PLCL2: variants seen among roughly 807,000 people sequenced by gnomAD.
PLCL2 encodes the protein inactive phospholipase C-like protein 2.
PLCL2 carries 4 observed loss-of-function variants against 79.6 expected under a neutral mutation model. That is an observed-to-expected ratio of 0.05 (90% CI 0.02 to 0.11). PLCL2 has a LOEUF of 0.11. Among genes scored for constraint, PLCL2 ranks in the 10% least tolerant of loss-of-function variants. The probability of loss-of-function intolerance (pLI) is 1.00; values close to 1 mark genes in which losing one functional copy is unlikely to be tolerated. For synonymous variants in PLCL2, 484 were observed against 457.7 expected, an observed-to-expected ratio of 1.06 and a Z score of -0.73; for missense variants, 895 against 1,291.0, an observed-to-expected ratio of 0.69 and a Z score of 4.70.
chr3:16,897,566 C>G (rs960218240), intron 1 of PLCL2, among the ~76,000 whole-genome samples: 12 of 152,334 alleles, frequency 7.9e-5, no homozygotes, highest in African/African-American at 2.9e-4. Flanking sequence ...TTTCACTTTG[C>G]TAAATGAGTG....
At chr3:17,058,648 A>G (rs2064915027) in intron 4 of PLCL2, among the ~76,000 whole-genome samples, 1 of 152,174 alleles carries the variant, frequency 6.6e-6, no homozygotes, top group African/African-American at 2.4e-5. Context: ...GGGAGCTATC[A>G]TTGCAAAGGT....
At chr3:16,977,575 T>G (rs2063939751) in intron 1 of PLCL2, among the ~76,000 whole-genome samples, 1 of 152,230 alleles carries the variant, frequency 6.6e-6, no homozygotes, top group African/African-American at 2.4e-5. Flanking sequence ...TTACTTATGG[T>G]AGACCACTTA....
At chr3:16,980,137 T>C (rs1249408391) in intron 1 of PLCL2, among the ~76,000 whole-genome samples, 303 of 706 alleles carry the variant, frequency 0.43, 15 homozygotes, top group Middle Eastern at 0.67. Context: ...GCTGGCCGGG[T>C]GGGGGGGCTG....
chr3:16,892,953 T>G (rs1696385423), intron 1 of PLCL2, among the ~76,000 whole-genome samples: 1 of 152,224 alleles, frequency 6.6e-6, no homozygotes, highest in African/African-American at 2.4e-5. Flanking sequence ...TCTGGATGAC[T>G]TTGATTTTTT....
At chr3:16,912,331 A>G (rs570592380) in intron 1 of PLCL2, among the ~76,000 whole-genome samples, 2 of 152,304 alleles carry the variant, frequency 1.3e-5, no homozygotes, top group African/African-American at 4.8e-5. Context: ...GAAGGATGAA[A>G]CAAGTAGGTA....
At chr3:16,924,500 A>T (rs1575531346) in intron 1 of PLCL2, among the ~76,000 whole-genome samples, 1 of 152,340 alleles carries the variant, frequency 6.6e-6, no homozygotes, top group African/African-American at 2.4e-5. Flanking sequence ...ATACTGAACC[A>T]GCAGTTTACA....
chr3:16,912,345 T>C (rs1696901259), intron 1 of PLCL2, among the ~76,000 whole-genome samples: 1 of 152,148 alleles, frequency 6.6e-6, no homozygotes, highest in South Asian at 2.1e-4. Context: ...GTAGGTAGAA[T>C]GGTGAATTTT....
intron 1 of PLCL2, among the ~76,000 whole-genome samples, chr3:16,982,477 C>T (rs1193313076): frequency 6.6e-6 from 1 of 152,170 alleles, no homozygotes; most frequent in African/African-American, 2.4e-5. Flanking sequence ...CCCGTTAATA[C>T]AGCCCAAAGC....
intron 4 of PLCL2, among the ~76,000 whole-genome samples, chr3:17,062,106 G>A (rs2064959085): frequency 6.6e-6 from 1 of 152,176 alleles, no homozygotes; most frequent in African/African-American, 2.4e-5. Flanking sequence ...TTGGAACAGA[G>A]CAACTGAGGC....
intron 3 of PLCL2, chr3:17,035,734 C>T (rs938951941): frequency 7.8e-6 from 4 of 513,124 alleles, no homozygotes; most frequent in African/African-American, 5.8e-5. Flanking sequence ...CCAATCTGGC[C>T]CTCACTCCTC....
intron 1 of PLCL2, among the ~76,000 whole-genome samples, chr3:16,930,967 T>G (rs147245036): frequency 6.3e-4 from 96 of 152,266 alleles, no homozygotes; most frequent in African/African-American, 2.1e-3. Context: ...TCTTCTATTT[T>G]TTCCTCTGTA....
intron 1 of PLCL2, among the ~76,000 whole-genome samples, chr3:16,954,746 G>A (rs1251747705): frequency 6.6e-6 from 1 of 152,176 alleles, no homozygotes; most frequent in Admixed American, 6.5e-5. Context: ...GTATCTCATT[G>A]TGGTTTTAAT....
chr3:16,902,113 A>G (rs529816527), intron 1 of PLCL2, among the ~76,000 whole-genome samples: 3 of 152,122 alleles, frequency 2.0e-5, no homozygotes, highest in East Asian at 3.9e-4. Flanking sequence ...TCTCACTACA[A>G]TGTATTCACA....
intron 1 of PLCL2, among the ~76,000 whole-genome samples, chr3:16,905,445 C>A (rs1453296984): frequency 6.6e-6 from 1 of 152,160 alleles, no homozygotes; most frequent in African/African-American, 2.4e-5. Flanking sequence ...TGGAAATTTT[C>A]TTTTAGTATA....
At chr3:16,915,621 C>T in intron 1 of PLCL2, among the ~76,000 whole-genome samples, 1 of 152,036 alleles carries the variant, frequency 6.6e-6, no homozygotes, top group South Asian at 2.1e-4. Context: ...TCTTCTTATT[C>T]AGATAGTGTT....
intron 4 of PLCL2, among the ~76,000 whole-genome samples, chr3:17,060,589 T>C (rs1384138485): frequency 6.6e-6 from 1 of 152,236 alleles, no homozygotes; most frequent in Non-Finnish European, 1.5e-5. Context: ...GCATATAGTT[T>C]ACAAAGGCTG....
At chr3:16,927,302 A>G (rs887747232) in intron 1 of PLCL2, among the ~76,000 whole-genome samples, 4 of 152,214 alleles carry the variant, frequency 2.6e-5, no homozygotes, top group Non-Finnish European at 5.9e-5. Context: ...TGATTGCTCC[A>G]TAATATTATG....
intron 1 of PLCL2, among the ~76,000 whole-genome samples, chr3:16,899,079 T>A (rs1696558513): frequency 6.6e-6 from 1 of 152,204 alleles, no homozygotes; most frequent in Non-Finnish European, 1.5e-5. Context: ...CAAGGAAAGG[T>A]ACAGTAAGCT....
intron 1 of PLCL2, among the ~76,000 whole-genome samples, chr3:16,916,448 G>A (rs1696997465): frequency 6.6e-6 from 1 of 152,154 alleles, no homozygotes; most frequent in Non-Finnish European, 1.5e-5. Flanking sequence ...ATGGTCAGGT[G>A]GGAAGTAGCT....
Sources: gnomAD v4.1 joint callset for allele counts (sites outside exome capture counted in the v4.1 genomes callset) on GRCh38, gnomAD v4.1.1 for gene constraint, MANE v1.5 for transcripts, NCBI Gene and HGNC (gene_info 2026-07-23, HGNC 2026-07-21) for gene names.